The following SGCD variants were observed in gnomAD, a reference collection of about 807,000 sequenced individuals.
The protein encoded by SGCD is sarcoglycan delta, also known as delta-sarcoglycan.
A neutral mutation model predicts 36.6 loss-of-function variants in SGCD; 18 were observed. The observed-to-expected ratio is 0.49, with a 90% CI of 0.34 to 0.73. The LOEUF (loss-of-function observed/expected upper bound fraction) is 0.73, where lower values mean the gene tolerates loss of function less well. Among genes scored for constraint, SGCD ranks in the 30% least tolerant of loss-of-function variants. SGCD has a pLI of 0.01. For missense variants in SGCD, 387 were observed against 346.7 expected, an observed-to-expected ratio of 1.12 and a Z score of -0.92; for synonymous variants, 133 against 130.6, an observed-to-expected ratio of 1.02 and a Z score of -0.12.
At chr5:155,804,933 G>T in the SGCD span, among the ~76,000 whole-genome samples, 1 of 152,180 alleles carries the variant, frequency 6.6e-6, no homozygotes, top group Admixed American at 6.5e-5. Flanking sequence ...TCTAGATGCT[G>T]TGCTACCCAA....
In SGCD at chr5:156,085,157, C is replaced by T. The variant is rs180850630; in HGVS notation, c.-281-32721C>T. On this transcript the variant is annotated intron_variant, in intron 1 of 9. Coordinates refer to the SGCD transcript ENST00000517913. Reference sequence around the variant, plus strand: ...ATGAGAGATACTTGTCTGTAGCTTTCATTCTTTTTGTTGTTGTTGTTGTTG... The same window carrying T: ...ATGAGAGATACTTGTCTGTAGCTTTTATTCTTTTTGTTGTTGTTGTTGTTG... 3.3e-5 allele frequency among the ~76,000 whole-genome samples: 5 copies of T among 151,888 alleles called. No homozygotes were observed. The East Asian group carries it at 5.8e-4, about 18-fold the overall frequency.
chr5:156,074,018 G>A (rs1760685407), intron 1 of SGCD, among the ~76,000 whole-genome samples: 1 of 152,234 alleles, frequency 6.6e-6, no homozygotes, highest in African/African-American at 2.4e-5. Flanking sequence ...TAGAAGTAGA[G>A]AGGTTGTACC....
At chr5:155,765,290 G>GAA in the SGCD span, among the ~76,000 whole-genome samples, 3 of 148,046 alleles carry the variant, frequency 2.0e-5, no homozygotes, top group Non-Finnish European at 3.0e-5. Flanking sequence ...AAGAAAGAAA[G>GAA]AGAAAGAAAG....
At chr5:156,314,613 T>C (rs1345106592) in intron 3 of SGCD, among the ~76,000 whole-genome samples, 1 of 152,030 alleles carries the variant, frequency 6.6e-6, no homozygotes, top group African/African-American at 2.4e-5. Context: ...CTGTGCATTG[T>C]TCTCAAGAGC....
Position 156,610,361 on chromosome 5 carries a change from A to G in SGCD, c.502+15310A>G, listed in dbSNP as rs560785811. ...CAGTGGAGGCTGCAGAACAGCAGAT[A>G]TTGGTGAACAGCAAGTGTTGCTGCC... On this transcript the variant is annotated intron_variant, in intron 6 of 8. Transcript: ENST00000337851. 1.8e-4 allele frequency among the ~76,000 whole-genome samples: 28 copies of G among 152,272 alleles called. 1 individual carries two copies. The South Asian group carries it at 5.0e-3, about 27-fold the overall frequency.
In SGCD at chr5:156,087,961, T is replaced by C. The variant is rs540447450; in HGVS notation, c.-281-29917T>C. Reference sequence around the variant, plus strand: ...CTGTACAGTGTCCTGGCCATCCTGATGATAGCCAGGTTTATACCACAAAAC... The same window carrying C: ...CTGTACAGTGTCCTGGCCATCCTGACGATAGCCAGGTTTATACCACAAAAC... On this transcript the variant is annotated intron_variant, in intron 1 of 9. Transcript: ENST00000517913. Among the ~76,000 whole-genome samples, 3 of 152,328 alleles carry C rather than the reference T, an allele frequency of 2.0e-5. No individual in the cohort carries two copies. In the South Asian group the frequency reaches 6.2e-4, roughly 32 times the overall value.
At chr5:155,858,714 T>C in the SGCD span, among the ~76,000 whole-genome samples, 10 of 152,178 alleles carry the variant, frequency 6.6e-5, no homozygotes, top group African/African-American at 2.4e-4. Context: ...CAGCTTCTCA[T>C]TGGAGGAGAA....
intron 3 of SGCD, among the ~76,000 whole-genome samples, chr5:156,424,018 G>T (rs370440310): frequency 2.0e-4 from 30 of 151,962 alleles, no homozygotes; most frequent in African/African-American, 6.8e-4. Context: ...TCCTCTGTTC[G>T]TGGCACATCA....
intron 1 of SGCD, among the ~76,000 whole-genome samples, chr5:156,008,159 C>T (rs1319665961): frequency 6.6e-6 from 1 of 152,168 alleles, no homozygotes; most frequent in Non-Finnish European, 1.5e-5. Flanking sequence ...TTTATTGTCT[C>T]ATAGATCTGG....
chr5:155,920,181 G>A (rs1341815356), intron 1 of SGCD, among the ~76,000 whole-genome samples: 1 of 152,172 alleles, frequency 6.6e-6, no homozygotes, highest in Non-Finnish European at 1.5e-5. Context: ...CACTGCAATA[G>A]TCTTTGGAGA....
At chr5:156,113,369 GAACA>G (rs1316737918) in intron 1 of SGCD, among the ~76,000 whole-genome samples, 6 of 151,966 alleles carry the variant, frequency 3.9e-5, no homozygotes, top group African/African-American at 1.4e-4. Flanking sequence ...CATTGAATGA[GAACA>G]TACTATGTTC....
At chr5:155,881,966 G>C (rs1755897164) in intron 1 of SGCD, among the ~76,000 whole-genome samples, 1 of 152,116 alleles carries the variant, frequency 6.6e-6, no homozygotes, top group Admixed American at 6.5e-5. Context: ...TTCTCTTGCT[G>C]TTGCTACCAT....
chr5:156,185,398 CA>C (rs1176793826), intron 3 of SGCD, among the ~76,000 whole-genome samples: 1 of 151,586 alleles, frequency 6.6e-6, no homozygotes, highest in Non-Finnish European at 1.5e-5. Flanking sequence ...GTATTTTTAG[CA>C]GAGACGGGGT....
chr5:155,990,148 T>C (rs892811436), intron 1 of SGCD, among the ~76,000 whole-genome samples: 1 of 152,174 alleles, frequency 6.6e-6, no homozygotes, highest in Non-Finnish European at 1.5e-5. Context: ...GAAAAAAGCA[T>C]GCTTGCAAGC....
the SGCD span, among the ~76,000 whole-genome samples, chr5:155,736,465 A>T: frequency 1.3e-5 from 2 of 152,092 alleles, no homozygotes; most frequent in African/African-American, 4.8e-5. Context: ...TTCCCCTAAC[A>T]CCATAACAAA....
At chr5:156,088,491 GT>G (rs1761158195) in intron 1 of SGCD, among the ~76,000 whole-genome samples, 1 of 87,446 alleles carries the variant, frequency 1.1e-5, no homozygotes, top group Non-Finnish European at 2.9e-5. Context: ...AGAAATAAGG[GT>G]TTGTTTGTTT....
chr5:156,593,164 G>T (rs1760791153), intron 5 of SGCD, among the ~76,000 whole-genome samples: 1 of 152,156 alleles, frequency 6.6e-6, no homozygotes, highest in South Asian at 2.1e-4. Context: ...AAGATCAAAT[G>T]ATTTGCCCCA....
intron 3 of SGCD, among the ~76,000 whole-genome samples, chr5:156,317,251 C>T (rs1767541462): frequency 6.6e-6 from 1 of 152,030 alleles, no homozygotes; most frequent in Non-Finnish European, 1.5e-5. Context: ...GCACTCGATG[C>T]ATGTTAGGTA....
At chr5:156,381,184 G>A (rs1770954949) in intron 3 of SGCD, among the ~76,000 whole-genome samples, 1 of 152,200 alleles carries the variant, frequency 6.6e-6, no homozygotes. Context: ...CAGTTCTGAG[G>A]CTCTTTAAAT....
Sources: allele counts gnomAD v4.1 joint callset (sites outside exome capture counted in the v4.1 genomes callset), GRCh38; gene constraint gnomAD v4.1.1; transcripts MANE v1.5; gene names NCBI Gene and HGNC (gene_info 2026-07-23, HGNC 2026-07-21).